The following JAG2 variants were observed in gnomAD, a reference collection of about 807,000 sequenced individuals.
The protein encoded by JAG2 is protein jagged-2.
Under a neutral mutation model 141.7 loss-of-function variants are expected in JAG2, and 46 were observed. That is an observed-to-expected ratio of 0.32 (90% CI 0.26 to 0.42). The LOEUF (loss-of-function observed/expected upper bound fraction) is 0.42. Ranked by LOEUF, JAG2 falls within the 10% of genes least tolerant of loss-of-function variation. The pLI is 1.00. For synonymous variants in JAG2, 862 were observed against 763.5 expected, an observed-to-expected ratio of 1.13 and a Z score of -2.13; for missense variants, 1,500 against 1,817.5, an observed-to-expected ratio of 0.83 and a Z score of 3.18.
intron 2 of JAG2, among the ~76,000 whole-genome samples, chr14:105,161,108 G>C (rs1888734440): frequency 6.6e-6 from 1 of 151,032 alleles, no homozygotes; most frequent in Non-Finnish European, 1.5e-5. Flanking sequence ...TCGGGTGTTG[G>C]GGGTCCGAGT....
In JAG2 at chr14:105,142,370, C is replaced by T; in HGVS notation, c.*325G>A. 3.5e-6 allele frequency: 1 copy of T among 288,810 alleles called. No individual in the cohort carries two copies. Among genetic ancestry groups the T allele is most frequent in the South Asian group, 4.6e-5 (1 of 21,776 alleles). The allele number at this position is 288,810 out of a possible 1,614,324, so 17.9% of individuals were successfully genotyped here. On this transcript the variant is annotated 3_prime_UTR_variant, in exon 26 of 26. Coordinates refer to ENST00000331782, the MANE Select transcript of JAG2 (RefSeq NM_002226.5). ...AGGAATAAAAGGAAGATTCTGTAAA[C>T]AGTGCACAACCTCTGGTAACAAACG... is the stretch of plus-strand genomic sequence containing the variant.
chr14:105,153,760 G>C (rs1303997804), intron 5 of JAG2, among the ~76,000 whole-genome samples: 1 of 152,184 alleles, frequency 6.6e-6, no homozygotes, highest in Non-Finnish European at 1.5e-5. Context: ...CTTCCTGCGG[G>C]TAAAGGGCAG....
intron 18 of JAG2, 50 bp from the exon 19 acceptor site, chr14:105,147,577 T>C (rs745395746): frequency 7.0e-6 from 11 of 1,567,566 alleles, no homozygotes; most frequent in South Asian, 4.4e-5. Context: ...CCCCCAAGCG[T>C]GCCAGGCACT....
intron 7 of JAG2, 78 bp from the exon 8 acceptor site, chr14:105,151,817 G>C (rs999001556): frequency 5.0e-6 from 8 of 1,600,958 alleles, no homozygotes; most frequent in Non-Finnish European, 6.8e-6. Context: ...CAAGCCCACA[G>C]GTTCCCAAGC....
chr14:105,148,977 G>A lies in JAG2; in HGVS notation c.1866C>T (p.Cys622=). 2.5e-6 allele frequency: 4 copies of A among 1,608,004 alleles called. No homozygotes were observed. The highest frequency in any genetic ancestry group is 2.5e-6 in the Non-Finnish European group (3 of 1,177,852). ...TGCCAGTAAAGCCACTGTCACAGAT[G>A]CAGGAAAAGTTGCCCCCTGGCTGGC... ...CVSQPGGNFS[C]ICDSGFTGTY... is the part of the protein sequence containing the mutation. Residue 622 remains cysteine, a synonymous_variant, in exon 14 of 26, where the codon TGC becomes TGT. Transcript: ENST00000331782.
chr14:105,149,066 C>T lies in JAG2; in HGVS notation c.1777G>A (p.Ala593Thr), dbSNP rs776919684. ...CRVIDGCGSD[A>T]GPGMPGTAAS... is the part of the protein sequence containing the mutation. ...GCTGTGCCAGGCATCCCAGGCCCCG[C>T]GTCTGACCCGCAGCCATCGATCACT... Residue 593 changes from alanine to threonine, a missense_variant, in exon 14 of 26, where the codon GCG becomes ACG. By Grantham distance (58) the Ala-to-Thr change is moderately conservative. Coordinates refer to ENST00000331782, the MANE Select transcript of JAG2 (RefSeq NM_002226.5). The T allele has an allele frequency of 6.8e-6, 11 of 1,609,586 alleles. No individual in the cohort carries two copies. The highest frequency in any genetic ancestry group is 1.7e-4 in the Middle Eastern group (1 of 5,760).
At chr14:105,159,527 G>C (rs1888669407) in intron 2 of JAG2, among the ~76,000 whole-genome samples, 1 of 151,800 alleles carries the variant, frequency 6.6e-6, no homozygotes, top group African/African-American at 2.4e-5. Context: ...ACAATCCCCA[G>C]AGTTCCATCC....
chr14:105,160,352 C>T (rs1459081476), intron 2 of JAG2, among the ~76,000 whole-genome samples: 1 of 94,490 alleles, frequency 1.1e-5, no homozygotes, highest in African/African-American at 4.5e-5. Context: ...TGGAGCACCA[C>T]CCTCGCAGCT....
chr14:105,146,347 C>T, intron 22 of JAG2, 38 bp downstream of exon 22: 4 of 1,559,600 alleles, frequency 2.6e-6, no homozygotes, highest in Non-Finnish European at 3.5e-6. Flanking sequence ...CGTGCACCAG[C>T]CTCGGGTAGG....
At chr14:105,145,368 A>G (rs1888192391) in intron 23 of JAG2, among the ~76,000 whole-genome samples, 1 of 152,180 alleles carries the variant, frequency 6.6e-6, no homozygotes, top group Non-Finnish European at 1.5e-5. Context: ...CCTGGGAGAC[A>G]GGGGCCCAGC....
Position 105,168,465 on chromosome 14 carries a change from C to A in JAG2, c.-45G>T. 1 of 566,890 alleles carries A rather than the reference C, an allele frequency of 1.8e-6. No individual in the cohort carries two copies. Among genetic ancestry groups the A allele is most frequent in the Non-Finnish European group, 2.2e-6 (1 of 449,886 alleles). The allele number at this position is 566,890 out of a possible 1,614,324, so 35.1% of individuals were successfully genotyped here. Reference sequence around the variant, plus strand: ...CCCGGCCCCGCCGCCGCCGCCCGCGCCCGGCTCCCAGCCGCCGCGCCGGCC... The same window carrying A: ...CCCGGCCCCGCCGCCGCCGCCCGCGACCGGCTCCCAGCCGCCGCGCCGGCC... On this transcript the variant is annotated 5_prime_UTR_variant, in exon 1 of 26. Transcript: ENST00000331782.
intron 5 of JAG2, among the ~76,000 whole-genome samples, chr14:105,153,616 G>T (rs587700966): frequency 5.9e-5 from 9 of 152,182 alleles, no homozygotes; most frequent in Admixed American, 1.3e-4. Context: ...AGCATCCGGT[G>T]GGGGGGCGTC....
At chr14:105,144,298 T>C (rs1308143870) in intron 24 of JAG2, among the ~76,000 whole-genome samples, 1 of 151,932 alleles carries the variant, frequency 6.6e-6, no homozygotes, top group Non-Finnish European at 1.5e-5. Context: ...GGCACACTTC[T>C]TACATCTTCC....
At chr14:105,160,464 C>T (rs1343841901) in intron 2 of JAG2, among the ~76,000 whole-genome samples, 1 of 151,334 alleles carries the variant, frequency 6.6e-6, no homozygotes, top group Non-Finnish European at 1.5e-5. Context: ...TTCCTTCCTT[C>T]GTTCACATCA....
At chr14:105,165,370 G>A (rs942737385) in intron 2 of JAG2, among the ~76,000 whole-genome samples, 3 of 152,220 alleles carry the variant, frequency 2.0e-5, no homozygotes, top group South Asian at 2.1e-4. Context: ...CTGGGAGAAT[G>A]TGGCCTCACC....
chr14:105,145,083 G>A (rs780629892), intron 23 of JAG2, 22 bp from the exon 24 acceptor site: 13 of 1,608,582 alleles, frequency 8.1e-6, no homozygotes, highest in Admixed American at 3.3e-5. Flanking sequence ...CAGGCAGTGC[G>A]TGGGCAGGGC....
intron 13 of JAG2, 40 bp from the exon 14 acceptor site, chr14:105,149,129 G>GGGC: frequency 3.2e-5 from 50 of 1,551,166 alleles, no homozygotes; most frequent in Non-Finnish European, 4.2e-5. Context: ...GCCCGCCCCT[G>GGGC]CCCCACCACC....
At position 105,151,391 on chromosome 14, in the gene JAG2, C is replaced by T. The variant is rs761575707; in HGVS notation, c.1159G>A (p.Asp387Asn). 5.0e-6 allele frequency: 8 copies of T among 1,610,452 alleles called. No individual in the cohort carries two copies. Among genetic ancestry groups the T allele is most frequent in the South Asian group, 3.3e-5 (3 of 91,068 alleles). Residue 387 changes from aspartate (D) to asparagine (N), a missense_variant, in exon 9 of 26, where the codon GAT (aspartate) becomes AAT (asparagine). Transcript: ENST00000331782. ...GCACACGGGTTCGAAGCACACTCATCGATGTCTGCAGAGGGTGGAGAAAGG... is the reference window on the plus strand; with the variant it reads ...GCACACGGGTTCGAAGCACACTCATTGATGTCTGCAGAGGGTGGAGAAAGG... Reference protein sequence around the residue: ...WSGPTCALDIDECASNPCAAG... With the variant: ...WSGPTCALDINECASNPCAAG...
chr14:105,150,814 C>A, intron 11 of JAG2, 37 bp from the exon 12 acceptor site: 1 of 1,573,054 alleles, frequency 6.4e-7, no homozygotes, highest in Non-Finnish European at 8.6e-7. Flanking sequence ...CCGCAGGCAC[C>A]CTGACGGCCC....
Sources: gnomAD v4.1 joint callset for allele counts (sites outside exome capture counted in the v4.1 genomes callset) on GRCh38, gnomAD v4.1.1 for gene constraint, MANE v1.5 for transcripts, NCBI Gene and HGNC (gene_info 2026-07-23, HGNC 2026-07-21) for gene names.